MYOM1: variants seen among roughly 807,000 people sequenced by gnomAD.
The protein encoded by MYOM1 is myomesin 1, also known as myomesin-1.
In MYOM1, 164 loss-of-function variants were observed where a neutral mutation model predicts 205.3. The ratio of observed to expected loss-of-function variants is 0.80; its 90% CI spans 0.70 to 0.91. The LOEUF (loss-of-function observed/expected upper bound fraction) is 0.91. MYOM1 is among the 40% of genes least tolerant of loss of function. The pLI is 0.00. For synonymous variants in MYOM1, 772 were observed against 789.4 expected (o/e 0.98, Z 0.37); for missense variants, 2,011 against 2,127.3 (o/e 0.95, Z 1.08).
At chr18:3,228,466 T>G in the MYOM1 span, among the ~76,000 whole-genome samples, 3 of 152,092 alleles carry the variant, frequency 2.0e-5, no homozygotes, top group African/African-American at 4.8e-5. The surrounding 1 kb of genome is among the most constrained non-coding windows in gnomAD (Gnocchi z 4.5). Flanking sequence ...CGCGGAGAAC[T>G]GTCTCCCGAC....
At chr18:3,239,694 C>T in the MYOM1 span, among the ~76,000 whole-genome samples, 3 of 138,026 alleles carry the variant, frequency 2.2e-5, no homozygotes, top group Non-Finnish European at 4.5e-5. Context: ...GAGGCCAAGG[C>T]TGCAGTGAGC....
In MYOM1 at chr18:3,188,976, A is replaced by G. The variant is rs750188250; in HGVS notation, c.543T>C (p.Ser181=). The G allele has an allele frequency of 6.2e-7, 1 of 1,613,200 alleles. No homozygotes were observed. The highest frequency in any genetic ancestry group is 1.6e-4 in the Middle Eastern group (1 of 6,062). ...LLASEEGITT[S]KQSTASKQTT... ...TCTGCTTGGATGCCGTGGACTGTTT[A>G]GATGTTGTGATTCCTTCCTCACTAG... The change falls in exon 4 of 38, where the codon TCT becomes TCC. Residue 181 remains serine (S), a synonymous_variant. Coordinates refer to ENST00000356443, the MANE Select transcript of MYOM1 (RefSeq NM_003803.4).
At chr18:3,194,024 A>T in intron 2 of MYOM1, 66 bp from the exon 3 acceptor site, 1 of 1,529,956 alleles carries the variant, frequency 6.5e-7, no homozygotes, top group Non-Finnish European at 8.8e-7. Context: ...AAAATACGAT[A>T]GAGGAAGTTT....
the MYOM1 span, among the ~76,000 whole-genome samples, chr18:3,226,341 G>A: frequency 6.6e-6 from 1 of 152,042 alleles, no homozygotes; most frequent in Non-Finnish European, 1.5e-5. This position sits in a 1 kb window ranked among gnomAD's most constrained non-coding sequence, Gnocchi z 4.6. Flanking sequence ...CCTTCCAATG[G>A]CTCCTCACTG....
chr18:3,145,858 T>G (rs1371137877), intron 13 of MYOM1, among the ~76,000 whole-genome samples: 2 of 151,972 alleles, frequency 1.3e-5, no homozygotes, highest in East Asian at 3.9e-4. Flanking sequence ...TTTGGGAACA[T>G]CAATAAAGTT....
intron 25 of MYOM1, among the ~76,000 whole-genome samples, chr18:3,098,461 T>C (rs1352882138): frequency 6.6e-6 from 1 of 151,922 alleles, no homozygotes; most frequent in Non-Finnish European, 1.5e-5. Flanking sequence ...GTATTTTTAG[T>C]AGAGATGGGG....
chr18:3,224,154 G>T (rs891140893), upstream of MYOM1, among the ~76,000 whole-genome samples: 1 of 151,232 alleles, frequency 6.6e-6, no homozygotes, highest in African/African-American at 2.4e-5. Context: ...TCAGCCTCCC[G>T]AGTAGCTGGG....
chr18:3,172,295 G>T (rs1030410686), intron 8 of MYOM1, among the ~76,000 whole-genome samples: 2 of 152,144 alleles, frequency 1.3e-5, no homozygotes, highest in African/African-American at 4.8e-5. Context: ...CAATTCGGGG[G>T]TCATCAGAGA....
In MYOM1 at chr18:3,155,039, C is replaced by T. The variant is rs745600639; in HGVS notation, c.1551G>A (p.Lys517=). The change falls in exon 11 of 38, where the codon AAG becomes AAA. Residue 517 remains lysine (K), a synonymous_variant. Transcript: ENST00000356443. Reference sequence around the variant, plus strand: ...TATAATCTTTGTTGGCCTCCAAGCACTTCACATCCAAGGGAGCAGCTGGGG... The same window carrying T: ...TATAATCTTTGTTGGCCTCCAAGCATTTCACATCCAAGGGAGCAGCTGGGG... ...EGAPAAPLDV[K]CLEANKDYII... is the part of the protein sequence containing the mutation. 5 of 1,613,508 alleles carry T rather than the reference C, an allele frequency of 3.1e-6. No homozygotes were observed. In the South Asian group the frequency reaches 5.5e-5, roughly 18 times the overall value.
intron 10 of MYOM1, among the ~76,000 whole-genome samples, chr18:3,155,904 G>A (rs572999680): frequency 5.3e-5 from 8 of 152,258 alleles, no homozygotes; most frequent in African/African-American, 1.9e-4. Flanking sequence ...TCAAATGATT[G>A]TTACCAAACT....
chr18:3,205,869 T>G (rs1176578522), intron 2 of MYOM1, among the ~76,000 whole-genome samples: 1 of 152,138 alleles, frequency 6.6e-6, no homozygotes, highest in African/African-American at 2.4e-5. Context: ...ACAAAAAAAA[T>G]TATTGAGTAT....
chr18:3,218,420 C>T (rs906191292), intron 1 of MYOM1, among the ~76,000 whole-genome samples: 1 of 152,136 alleles, frequency 6.6e-6, no homozygotes, highest in Non-Finnish European at 1.5e-5. Context: ...GAAAACTGAG[C>T]AAACTTCACT....
intron 3 of MYOM1, among the ~76,000 whole-genome samples, chr18:3,193,357 T>TACACAC (rs1367330529): frequency 2.2e-3 from 228 of 102,844 alleles, no homozygotes; most frequent in African/African-American, 7.0e-3. Flanking sequence ...CATATATATA[T>TACACAC]ATATACACAC....
chr18:3,082,361 C>T (rs1261493448), intron 33 of MYOM1, among the ~76,000 whole-genome samples: 1 of 152,216 alleles, frequency 6.6e-6, no homozygotes, highest in Non-Finnish European at 1.5e-5. Flanking sequence ...TACCTCTTAG[C>T]TGTGTGACCT....
intron 2 of MYOM1, among the ~76,000 whole-genome samples, chr18:3,203,359 A>G (rs1336691724): frequency 2.6e-5 from 4 of 151,728 alleles, no homozygotes; most frequent in Admixed American, 1.3e-4. Context: ...GTTCTTTGAA[A>G]AGATCATGAC....
At chr18:3,174,486 CA>C (rs34464336) in intron 6 of MYOM1, among the ~76,000 whole-genome samples, 109 of 149,298 alleles carry the variant, frequency 7.3e-4, no homozygotes, top group Non-Finnish European at 1.5e-3. Context: ...TTTAAAATGT[CA>C]AAAAAAAAAG....
intron 37 of MYOM1, among the ~76,000 whole-genome samples, chr18:3,070,944 A>G (rs1240536165): frequency 6.6e-6 from 1 of 151,960 alleles, no homozygotes; most frequent in Non-Finnish European, 1.5e-5. Flanking sequence ...TTTTTTGTAG[A>G]GATGGGGTTT....
chr18:3,165,426 T>C (rs2080453856), intron 9 of MYOM1, among the ~76,000 whole-genome samples: 1 of 152,004 alleles, frequency 6.6e-6, no homozygotes, highest in Admixed American at 6.6e-5. Context: ...TTATAAGTGG[T>C]AATTTTAAAA....
intron 14 of MYOM1, among the ~76,000 whole-genome samples, chr18:3,140,035 G>A (rs2080025546): frequency 1.3e-5 from 2 of 152,196 alleles, no homozygotes; most frequent in Non-Finnish European, 1.5e-5. Context: ...AAGAGATTCA[G>A]TGGGGGTGTG....
Sources: allele counts gnomAD v4.1 joint callset (sites outside exome capture counted in the v4.1 genomes callset), GRCh38; gene constraint gnomAD v4.1.1; non-coding constraint Gnocchi (gnomAD v3.1); transcripts MANE v1.5; gene names NCBI Gene and HGNC (gene_info 2026-07-23, HGNC 2026-07-21).